PDE3A: variants seen among roughly 807,000 people sequenced by gnomAD.
PDE3A encodes the protein phosphodiesterase 3A.
Under a neutral mutation model 98.3 loss-of-function variants are expected in PDE3A, and 43 were observed. The ratio of observed to expected loss-of-function variants is 0.44; its 90% confidence interval spans 0.34 to 0.56. PDE3A has a LOEUF of 0.56. Among genes scored for constraint, PDE3A ranks in the 20% least tolerant of loss-of-function variants. PDE3A has a pLI of 0.01. For synonymous variants in PDE3A, 663 were observed against 567.9 expected (o/e 1.17, Z -2.38); for missense variants, 1,427 against 1,440.7 (o/e 0.99, Z 0.15).
At chr12:20,544,107 G>C (rs934039805) in intron 1 of PDE3A, among the ~76,000 whole-genome samples, 1 of 151,106 alleles carries the variant, frequency 6.6e-6, no homozygotes, top group Non-Finnish European at 1.5e-5. Context: ...GTGCCTTTGG[G>C]TTGGCAGTTT....
At chr12:20,652,909 A>C (rs1156550832) in intron 14 of PDE3A, among the ~76,000 whole-genome samples, 1 of 152,212 alleles carries the variant, frequency 6.6e-6, no homozygotes, top group African/African-American at 2.4e-5. Flanking sequence ...AATGGGAGAA[A>C]GTTTTGTGTT....
intron 15 of PDE3A, among the ~76,000 whole-genome samples, chr12:20,654,803 C>G (rs904921051): frequency 6.6e-6 from 1 of 151,892 alleles, no homozygotes; most frequent in Admixed American, 6.6e-5. Flanking sequence ...TGAGCCACCG[C>G]GCCCAGCTGC....
chr12:20,599,356 A>T (rs934775912), intron 2 of PDE3A, among the ~76,000 whole-genome samples: 2 of 152,116 alleles, frequency 1.3e-5, no homozygotes, highest in Non-Finnish European at 1.5e-5. Flanking sequence ...TATGCTGAGT[A>T]ACACTGGGAA....
chr12:20,525,932 G>A (rs373393262), intron 1 of PDE3A, among the ~76,000 whole-genome samples: 2 of 152,144 alleles, frequency 1.3e-5, no homozygotes, highest in African/African-American at 4.8e-5. Flanking sequence ...GCTTTTCTTT[G>A]AGTATTCATA....
At chr12:20,494,425 T>C (rs1480150549) in intron 1 of PDE3A, among the ~76,000 whole-genome samples, 2 of 152,160 alleles carry the variant, frequency 1.3e-5, no homozygotes, top group African/African-American at 2.4e-5. Flanking sequence ...TTGATTTTAT[T>C]GTAATGTGGT....
chr12:20,457,043 A>G (rs978241792), intron 1 of PDE3A, among the ~76,000 whole-genome samples: 1 of 151,774 alleles, frequency 6.6e-6, no homozygotes, highest in African/African-American at 2.4e-5. Context: ...CTTCTTTATC[A>G]GAAGTGCATC....
intron 1 of PDE3A, among the ~76,000 whole-genome samples, chr12:20,414,766 A>G (rs1482909183): frequency 6.6e-6 from 1 of 152,182 alleles, no homozygotes; most frequent in Non-Finnish European, 1.5e-5. Context: ...GCCAAGTACA[A>G]ATACTTACAT....
chr12:20,460,843 T>C (rs1487833694), intron 1 of PDE3A, among the ~76,000 whole-genome samples: 1 of 152,196 alleles, frequency 6.6e-6, no homozygotes, highest in Non-Finnish European at 1.5e-5. Flanking sequence ...CATGGCTCAC[T>C]ACTGCCATTC....
At position 20,523,086 on chromosome 12, in the gene PDE3A, A is replaced by G. The variant is rs181123770; in HGVS notation, c.961-33574A>G. The stretch of plus-strand genomic sequence containing the variant: ...GCGGTGGGGTGGGTGGCATTAGGCT[A>G]AAGATAGTGAAAATTCTAATGAATG... On this transcript the variant is annotated intron_variant, in intron 1 of 15. Transcript: ENST00000359062. Among the ~76,000 whole-genome samples, 376 of 152,250 alleles carry G rather than the reference A, an allele frequency of 2.5e-3. 1 individual carries two copies. The highest frequency in any genetic ancestry group is 4.0e-3 in the Non-Finnish European group (269 of 68,010).
At chr12:20,544,592 A>G (rs1942003365) in intron 1 of PDE3A, among the ~76,000 whole-genome samples, 1 of 151,920 alleles carries the variant, frequency 6.6e-6, no homozygotes. Flanking sequence ...AGGACCTGAT[A>G]CTTAGTTTGG....
chr12:20,584,997 A>C (rs191389625), intron 2 of PDE3A, among the ~76,000 whole-genome samples: 49 of 152,324 alleles, frequency 3.2e-4, no homozygotes, highest in African/African-American at 1.2e-3. Context: ...ATACGTTAGA[A>C]CTTTTTGCTC....
At chr12:20,533,115 T>A (rs1329603945) in intron 1 of PDE3A, among the ~76,000 whole-genome samples, 5 of 152,182 alleles carry the variant, frequency 3.3e-5, no homozygotes, top group Non-Finnish European at 7.3e-5. Flanking sequence ...TACTTGACAT[T>A]TTAGCATTTA....
intron 2 of PDE3A, among the ~76,000 whole-genome samples, chr12:20,589,755 G>A (rs1174729027): frequency 6.6e-6 from 1 of 151,632 alleles, no homozygotes; most frequent in African/African-American, 2.4e-5. Context: ...TGTGGCCCCA[G>A]CTACTCGGGA....
chr12:20,663,712 CTT>C (rs1424768484), intron 15 of PDE3A, among the ~76,000 whole-genome samples: 1 of 152,134 alleles, frequency 6.6e-6, no homozygotes, highest in African/African-American at 2.4e-5. Flanking sequence ...AACTAACTTG[CTT>C]TTGATTTTGC....
At chr12:20,557,285 T>G (rs1448477726) in intron 2 of PDE3A, 1 of 153,112 alleles carries the variant, frequency 6.5e-6, no homozygotes, top group Non-Finnish European at 1.5e-5. Context: ...GCATTTATGC[T>G]TTTTAATGAC....
chr12:20,462,620 A>G (rs1945270595), intron 1 of PDE3A, among the ~76,000 whole-genome samples: 1 of 152,096 alleles, frequency 6.6e-6, no homozygotes, highest in Non-Finnish European at 1.5e-5. Flanking sequence ...TGTTTGCTCT[A>G]TTTTAAATTT....
chr12:20,513,634 T>G (rs1465829181), intron 1 of PDE3A, among the ~76,000 whole-genome samples: 1 of 152,174 alleles, frequency 6.6e-6, no homozygotes, highest in Non-Finnish European at 1.5e-5. Flanking sequence ...ACTTTAGCAT[T>G]TTCAAGATTT....
chr12:20,664,192 C>T (rs1945251163), intron 15 of PDE3A, among the ~76,000 whole-genome samples: 1 of 152,050 alleles, frequency 6.6e-6, no homozygotes, highest in African/African-American at 2.4e-5. Flanking sequence ...GTCAATTAAA[C>T]CTCTTTCCTT....
At chr12:20,673,608 C>A (rs1945550049) in intron 15 of PDE3A, among the ~76,000 whole-genome samples, 1 of 150,020 alleles carries the variant, frequency 6.7e-6, no homozygotes, top group Admixed American at 6.7e-5. Context: ...GAACAAAAAA[C>A]CAAAGACCGC....
Sources: gnomAD v4.1 joint callset for allele counts (sites outside exome capture counted in the v4.1 genomes callset) on GRCh38, gnomAD v4.1.1 for gene constraint, MANE v1.5 for transcripts, NCBI Gene and HGNC (gene_info 2026-07-23, HGNC 2026-07-21) for gene names.